The following EIF3E variants were observed in gnomAD, a reference collection of about 807,000 sequenced individuals.
The protein encoded by EIF3E is eIF-3 p48.
In EIF3E, 25 loss-of-function variants were observed where a neutral mutation model predicts 59.3. The ratio of observed to expected loss-of-function variants is 0.42; its 90% confidence interval spans 0.31 to 0.59. The LOEUF (loss-of-function observed/expected upper bound fraction) is 0.59, where lower values mean the gene tolerates loss of function less well. EIF3E is among the 20% of genes least tolerant of loss of function. The probability of loss-of-function intolerance (pLI) is 0.15; values close to 1 mark genes in which losing one functional copy is unlikely to be tolerated. For synonymous variants in EIF3E, 176 were observed against 170.2 expected (o/e 1.03, Z -0.26); for missense variants, 317 against 534.3 (o/e 0.59, Z 4.01).
In EIF3E at chr8:108,217,311, AT is replaced by A. The variant is rs1431666171; in HGVS notation, c.849+22del. On this transcript the variant is annotated intron_variant, in intron 8 of 12. Coordinates refer to ENST00000220849, the MANE Select transcript of EIF3E (RefSeq NM_001568.3). ...AAAGCTTAGGTATTTAAAAAAAAAAATCAATATATATTTTAGTTTTACCTGT... is the reference window on the plus strand; with the variant it reads ...AAAGCTTAGGTATTTAAAAAAAAAAACAATATATATTTTAGTTTTACCTGT... The A allele has an allele frequency of 2.1e-6, 3 of 1,455,302 alleles. No homozygotes were observed. In the Admixed American group the frequency reaches 7.4e-5, roughly 36 times the overall value. 90.1% of individuals were successfully genotyped at this position (1,455,302 alleles called of 1,614,324 possible).
intron 2 of EIF3E, among the ~76,000 whole-genome samples, chr8:108,240,989 A>T (rs952115714): frequency 6.6e-6 from 1 of 152,148 alleles, no homozygotes; most frequent in Non-Finnish European, 1.5e-5. Flanking sequence ...CAAAAAAAAA[A>T]AGAAAGAAAC....
intron 4 of EIF3E, 76 bp from the exon 5 acceptor site, chr8:108,235,178 A>T: frequency 2.4e-6 from 2 of 839,638 alleles, no homozygotes; most frequent in East Asian, 2.9e-5. Context: ...TAAGTCTTTG[A>T]GGTCAAAACT....
chr8:108,238,383 CT>C lies in EIF3E; in HGVS notation c.323+1574del, dbSNP rs576177761. ...CCAAAATCTGCAGGTGCTAAAGTCC[CT>C]TATGTAAAATAGCACAGTATTTGCA... On this transcript the variant is annotated intron_variant, in intron 3 of 12. Coordinates refer to ENST00000220849, the MANE Select transcript of EIF3E (RefSeq NM_001568.3). 9.1e-4 allele frequency among the ~76,000 whole-genome samples: 139 copies of C among 152,246 alleles called. 2 individuals carry two copies. The highest frequency in any genetic ancestry group is 4.0e-4 in the Non-Finnish European group (27 of 68,026).
chr8:108,225,061 C>T (rs1382216601), intron 7 of EIF3E, among the ~76,000 whole-genome samples: 1 of 151,568 alleles, frequency 6.6e-6, no homozygotes, highest in Non-Finnish European at 1.5e-5. Flanking sequence ...ACTGTCACGG[C>T]TGTCCTTAAG....
chr8:108,220,976 G>A (rs1815399658), intron 7 of EIF3E, among the ~76,000 whole-genome samples: 1 of 152,144 alleles, frequency 6.6e-6, no homozygotes, highest in Admixed American at 6.5e-5. Flanking sequence ...CGAGGCTGCA[G>A]TAAGCCAAGA....
chr8:108,215,954 A>T (rs1425480619), intron 9 of EIF3E, among the ~76,000 whole-genome samples: 1 of 152,200 alleles, frequency 6.6e-6, no homozygotes, highest in Admixed American at 6.5e-5. Context: ...TTTATCACAA[A>T]TGTTAAATAC....
At chr8:108,235,801 TTC>T (rs1349602009) in intron 4 of EIF3E, among the ~76,000 whole-genome samples, 4 of 152,376 alleles carry the variant, frequency 2.6e-5, no homozygotes, top group South Asian at 4.1e-4. Flanking sequence ...TCAAATTTAA[TTC>T]TGTTTGCCTT....
chr8:108,233,621 C>T (rs576273165), intron 5 of EIF3E: 1 of 376,972 alleles, frequency 2.7e-6, no homozygotes, highest in African/African-American at 2.2e-5. Flanking sequence ...GAGGGAGGAT[C>T]ACTTCAGGCC....
rs1008096431 is a variant in EIF3E at position 108,206,653 on chromosome 8, C to A, written c.1062-3150G>T. Among the ~76,000 whole-genome samples the A allele has an allele frequency of 1.6e-4, 24 of 150,740 alleles. 1 individual carries two copies. Among genetic ancestry groups the A allele is most frequent in the Non-Finnish European group, 2.9e-4 (20 of 67,996 alleles). On this transcript the variant is annotated intron_variant, in intron 10 of 12. Transcript: ENST00000220849. ...GCACAGACACACACACACATACACA[C>A]GCACGCACGTACAGTGGCCTGCACC...
chr8:108,206,293 C>T (rs768820581), intron 10 of EIF3E, among the ~76,000 whole-genome samples: 3 of 151,544 alleles, frequency 2.0e-5, no homozygotes, highest in African/African-American at 4.9e-5. Context: ...TCACTGCATT[C>T]CAGCATGGGC....
Position 108,225,288 on chromosome 8 carries a change from T to C in EIF3E, c.722+2979A>G, listed in dbSNP as rs981071294. Reference sequence around the variant, plus strand: ...AAGAAAAACTAGAATTTTGGAAAATTTGTATCAGCCACTGGGAGCTTGAAA... The same window carrying C: ...AAGAAAAACTAGAATTTTGGAAAATCTGTATCAGCCACTGGGAGCTTGAAA... On this transcript the variant is annotated intron_variant, in intron 7 of 12. Coordinates refer to ENST00000220849, the MANE Select transcript of EIF3E (RefSeq NM_001568.3). Among the ~76,000 whole-genome samples, 20 of 151,594 alleles carry C rather than the reference T, an allele frequency of 1.3e-4. 1 individual carries two copies. The highest frequency in any genetic ancestry group is 2.6e-4 in the Admixed American group (4 of 15,258).
At chr8:108,241,964 A>G in intron 1 of EIF3E, 51 bp from the exon 2 acceptor site, 1 of 1,280,018 alleles carries the variant, frequency 7.8e-7, no homozygotes, top group South Asian at 1.4e-5. Context: ...CCCCAAATAA[A>G]CTGATTAATA....
chr8:108,210,511 C>T (rs965222297), intron 10 of EIF3E, among the ~76,000 whole-genome samples: 2 of 152,124 alleles, frequency 1.3e-5, no homozygotes, highest in Non-Finnish European at 2.9e-5. Flanking sequence ...GTCATTATCA[C>T]GGATTACAAA....
chr8:108,215,513 G>A (rs575698005), intron 9 of EIF3E, among the ~76,000 whole-genome samples: 1 of 152,236 alleles, frequency 6.6e-6, no homozygotes, highest in Admixed American at 6.5e-5. Flanking sequence ...AGCTACTTGG[G>A]AGGCTGAGGC....
chr8:108,240,245 A>G, intron 2 of EIF3E, 170 bp from the exon 3 acceptor site: 2 of 636,896 alleles, frequency 3.1e-6, no homozygotes, highest in Non-Finnish European at 5.5e-6. Flanking sequence ...CCCGATCCCT[A>G]ATTTCTTTTT....
rs1429214145 is a variant in EIF3E, at chr8:108,204,744, TATAGAG to T, written c.1062-1247_1062-1242del. 9.0e-4 allele frequency among the ~76,000 whole-genome samples: 92 copies of T among 102,688 alleles called. 1 individual carries two copies. Among genetic ancestry groups the T allele is most frequent in the African/African-American group, 2.7e-3 (62 of 22,860 alleles). The allele number at this position is 102,688 out of a possible 152,430, so 67.4% of individuals were successfully genotyped here. A position where few individuals can be genotyped will look rare whatever the true frequency, so the allele number is the denominator to read the frequency against. ...TATAGTATGTATGTATATATATATA[TATAGAG>T]AGAGAGAGAGAGAGAGAGAGAGAGA... is the stretch of plus-strand genomic sequence containing the variant. On this transcript the variant is annotated intron_variant, in intron 10 of 12. Coordinates refer to ENST00000220849, the MANE Select transcript of EIF3E (RefSeq NM_001568.3).
chr8:108,217,523 G>T, intron 7 of EIF3E, 63 bp from the exon 8 acceptor site: 1 of 1,399,920 alleles, frequency 7.1e-7, no homozygotes. Flanking sequence ...AAACTCTCGA[G>T]CAGGTCATTA....
chr8:108,211,343 G>A (rs1815206613), intron 10 of EIF3E, among the ~76,000 whole-genome samples: 1 of 152,072 alleles, frequency 6.6e-6, no homozygotes, highest in Admixed American at 6.5e-5. Context: ...TTCTCTGATG[G>A]CCAGTGATGA....
At chr8:108,217,011 T>TAG (rs1815317454) in intron 8 of EIF3E, among the ~76,000 whole-genome samples, 1 of 152,150 alleles carries the variant, frequency 6.6e-6, no homozygotes, top group Non-Finnish European at 1.5e-5. Flanking sequence ...CCATGTAGAA[T>TAG]TACACAGGTA....
Sources: gnomAD v4.1 joint callset for allele counts (sites outside exome capture counted in the v4.1 genomes callset) on GRCh38, gnomAD v4.1.1 for gene constraint, MANE v1.5 for transcripts, NCBI Gene and HGNC (gene_info 2026-07-23, HGNC 2026-07-21) for gene names.